The following MICU1 variants were observed in gnomAD, a reference collection of about 807,000 sequenced individuals.
MICU1 encodes the protein calcium uptake protein 1, mitochondrial.
MICU1 carries 45 observed loss-of-function variants against 56.8 expected under a neutral mutation model. That is an observed-to-expected ratio of 0.79 (90% CI 0.62 to 1.02). The LOEUF (loss-of-function observed/expected upper bound fraction) is 1.02, where lower values mean the gene tolerates loss of function less well. Ranked by LOEUF, MICU1 falls within the 50% of genes least tolerant of loss-of-function variation. The pLI, the probability that MICU1 is intolerant of heterozygous loss-of-function variation, is 0.00. For missense variants in MICU1, 504 were observed against 587.1 expected (o/e 0.86, Z 1.46); for synonymous variants, 186 against 195.1 (o/e 0.95, Z 0.39).
At chr10:72,389,903 T>C (rs1343291225) in intron 10 of MICU1, among the ~76,000 whole-genome samples, 1 of 152,230 alleles carries the variant, frequency 6.6e-6, no homozygotes, top group Non-Finnish European at 1.5e-5. Context: ...CTTAAATCAA[T>C]CAGCCAGCCG....
chr10:72,522,086 A>G (rs1427778056), intron 5 of MICU1, among the ~76,000 whole-genome samples: 1 of 152,128 alleles, frequency 6.6e-6, no homozygotes, highest in Non-Finnish European at 1.5e-5. Flanking sequence ...CACATTCTCT[A>G]CAACCAAAGA....
chr10:72,526,399 G>A (rs796895170), intron 5 of MICU1, among the ~76,000 whole-genome samples: 5 of 152,182 alleles, frequency 3.3e-5, no homozygotes, highest in African/African-American at 1.2e-4. Flanking sequence ...GGGTTCAAGT[G>A]AATCTCCTGC....
intron 8 of MICU1, among the ~76,000 whole-genome samples, chr10:72,433,655 C>A (rs1330755926): frequency 6.6e-6 from 1 of 152,150 alleles, no homozygotes; most frequent in Non-Finnish European, 1.5e-5. Context: ...GTCTCGAACT[C>A]CTGACATCAG....
intron 10 of MICU1, among the ~76,000 whole-genome samples, chr10:72,382,617 CTT>C (rs2132050012): frequency 6.6e-6 from 1 of 152,106 alleles, no homozygotes; most frequent in African/African-American, 2.4e-5. Flanking sequence ...GCAAGAAAGT[CTT>C]TAAAACAGGC....
intron 9 of MICU1, among the ~76,000 whole-genome samples, chr10:72,422,342 T>G (rs1398247599): frequency 6.6e-6 from 1 of 152,186 alleles, no homozygotes; most frequent in Admixed American, 6.5e-5. Context: ...GATTCTATCC[T>G]CCAGGAATGT....
chr10:72,419,669 C>T (rs1430571685), intron 9 of MICU1, among the ~76,000 whole-genome samples: 2 of 152,154 alleles, frequency 1.3e-5, no homozygotes, highest in Admixed American at 6.5e-5. Context: ...ATCTTATTTT[C>T]AATTATTGAA....
chr10:72,406,344 G>C (rs1012921104), intron 10 of MICU1, among the ~76,000 whole-genome samples: 13 of 151,896 alleles, frequency 8.6e-5, no homozygotes, highest in Non-Finnish European at 8.8e-5. Context: ...TTAAAAAATG[G>C]GGAGATATAT....
intron 8 of MICU1, among the ~76,000 whole-genome samples, chr10:72,433,009 C>T (rs1362254475): frequency 1.3e-5 from 2 of 152,170 alleles, no homozygotes; most frequent in Non-Finnish European, 2.9e-5. Flanking sequence ...ACGATCTCGG[C>T]TCACTGCAAC....
chr10:72,525,025 T>C (rs1867924315), intron 5 of MICU1, among the ~76,000 whole-genome samples: 2 of 152,252 alleles, frequency 1.3e-5, no homozygotes, highest in South Asian at 2.1e-4. Flanking sequence ...CATATTAATA[T>C]AGGCAATCAA....
At chr10:72,625,754 G>A (rs1288713766) in intron 1 of MICU1, among the ~76,000 whole-genome samples, 1 of 152,154 alleles carries the variant, frequency 6.6e-6, no homozygotes, top group African/African-American at 2.4e-5. Flanking sequence ...AAGTTCTCCC[G>A]GGACGGGAGA....
At chr10:72,604,798 AG>A (rs755555557) in intron 1 of MICU1, among the ~76,000 whole-genome samples, 40 of 152,190 alleles carry the variant, frequency 2.6e-4, no homozygotes, top group Non-Finnish European at 4.1e-4. Context: ...CAGAAAGTTA[AG>A]TGTATTACTC....
chr10:72,521,077 G>A (rs1345617383), intron 5 of MICU1, among the ~76,000 whole-genome samples: 2 of 151,956 alleles, frequency 1.3e-5, no homozygotes, highest in African/African-American at 2.4e-5. Flanking sequence ...AGTCACTTGG[G>A]TTATAAAAAG....
intron 10 of MICU1, among the ~76,000 whole-genome samples, chr10:72,395,424 G>T (rs1362656784): frequency 6.6e-6 from 1 of 152,192 alleles, no homozygotes; most frequent in Non-Finnish European, 1.5e-5. Flanking sequence ...ATCTCATTGG[G>T]ACTGGTTGGA....
intron 1 of MICU1, among the ~76,000 whole-genome samples, chr10:72,623,167 A>G (rs1422932833): frequency 6.6e-6 from 1 of 151,982 alleles, no homozygotes; most frequent in Admixed American, 6.6e-5. Context: ...GCTACTTACG[A>G]GGATGAGGCA....
At chr10:72,485,672 A>C (rs1291410560) in intron 6 of MICU1, among the ~76,000 whole-genome samples, 1 of 152,102 alleles carries the variant, frequency 6.6e-6, no homozygotes, top group Non-Finnish European at 1.5e-5. Context: ...ATGGTTATAA[A>C]ATAATAAAGT....
At position 72,520,306 on chromosome 10, in the gene MICU1, A is replaced by G. The variant is rs551268336; in HGVS notation, c.538-12037T>C. Among the ~76,000 whole-genome samples, 6 of 152,264 alleles carry G rather than the reference A, an allele frequency of 3.9e-5. No individual in the cohort carries two copies. The East Asian group carries it at 9.6e-4, about 24-fold the overall frequency. The stretch of plus-strand genomic sequence containing the variant: ...CTTGGTAAAACATCAATCTTAAACA[A>G]TCACACTATTTCCAATCAAATTAAA... On this transcript the variant is annotated intron_variant, in intron 5 of 11. Transcript: ENST00000361114.
At chr10:72,581,015 T>C (rs1351466813) in intron 1 of MICU1, among the ~76,000 whole-genome samples, 2 of 152,088 alleles carry the variant, frequency 1.3e-5, no homozygotes, top group African/African-American at 4.8e-5. Flanking sequence ...GCAAACAAGA[T>C]GCCAAACTCC....
chr10:72,536,452 T>C (rs1032042963), intron 4 of MICU1, among the ~76,000 whole-genome samples: 5 of 152,092 alleles, frequency 3.3e-5, no homozygotes, highest in African/African-American at 9.7e-5. Flanking sequence ...GTTCAAGCGA[T>C]TCTCCTGCCT....
rs527586429 is a variant in MICU1, at chr10:72,523,152, A to G, written c.537+10594T>C. On this transcript the variant is annotated intron_variant, in intron 5 of 11. Transcript: ENST00000361114. The stretch of plus-strand genomic sequence containing the variant: ...TTAGTAAGGACACCTATCCAAGTCC[A>G]GCCATTGTAAATCTTCCAGCCGTAA... Among the ~76,000 whole-genome samples the G allele has an allele frequency of 2.7e-3, 418 of 152,300 alleles. 1 individual carries two copies. Among genetic ancestry groups the G allele is most frequent in the African/African-American group, 9.6e-3 (399 of 41,578 alleles).
Sources: gnomAD v4.1 joint callset for allele counts (sites outside exome capture counted in the v4.1 genomes callset) on GRCh38, gnomAD v4.1.1 for gene constraint, MANE v1.5 for transcripts, NCBI Gene and HGNC (gene_info 2026-07-23, HGNC 2026-07-21) for gene names.